LARS2: variants seen among roughly 807,000 people sequenced by gnomAD.
LARS2 encodes leucine--tRNA ligase, mitochondrial.
LARS2 carries 81 observed loss-of-function variants against 116.6 expected under a neutral mutation model. That is an observed-to-expected ratio of 0.69 (90% CI 0.58 to 0.84). LARS2 has a LOEUF of 0.84. Among genes scored for constraint, LARS2 ranks in the 40% least tolerant of loss-of-function variants. The probability of loss-of-function intolerance (pLI) is 0.00; values close to 1 mark genes in which losing one functional copy is unlikely to be tolerated. For synonymous variants in LARS2, 396 were observed against 407.2 expected, an observed-to-expected ratio of 0.97 and a Z score of 0.33; for missense variants, 968 against 1,114.5, an observed-to-expected ratio of 0.87 and a Z score of 1.87.
Position 45,516,219 on chromosome 3 carries a change from C to T in LARS2, c.1987C>T (p.Arg663Trp), listed in dbSNP as rs774649299. ...VVEQYGIDTIRLYILFAAPPE... is the reference protein window; with the variant it reads ...VVEQYGIDTIWLYILFAAPPE... ...GGAGCAGTATGGGATCGACACGATTCGGCTCTACATCCTTTTTGCTGCCCC... is the reference window on the plus strand; with the variant it reads ...GGAGCAGTATGGGATCGACACGATTTGGCTCTACATCCTTTTTGCTGCCCC... Residue 663 changes from arginine (R) to tryptophan (W), a missense_variant, in exon 17 of 22, where the codon CGG becomes TGG. Physicochemically the swap from Arg to Trp is moderately radical, Grantham distance 101. Transcript: ENST00000645846. The T allele has an allele frequency of 8.1e-6, 13 of 1,614,018 alleles. No individual in the cohort carries two copies. Among genetic ancestry groups the T allele is most frequent in the Admixed American group, 1.7e-5 (1 of 60,000 alleles).
rs183384103 is a variant in LARS2, at chr3:45,476,950, A to G, written c.1018+323A>G. Reference sequence around the variant, plus strand: ...AGGAGAAGATATAGGAATCTATTCTATTAGGAATAGAATCTTCTCATAATT... The same window carrying G: ...AGGAGAAGATATAGGAATCTATTCTGTTAGGAATAGAATCTTCTCATAATT... On this transcript the variant is annotated intron_variant, in intron 10 of 21. Transcript: ENST00000645846. Among the ~76,000 whole-genome samples, 357 of 152,294 alleles carry G rather than the reference A, an allele frequency of 2.3e-3. 4 individuals carry two copies. The highest frequency in any genetic ancestry group is 3.7e-3 in the Non-Finnish European group (255 of 68,024).
At chr3:45,508,458 A>G (rs1009438445) in intron 15 of LARS2, among the ~76,000 whole-genome samples, 3 of 152,138 alleles carry the variant, frequency 2.0e-5, no homozygotes, top group Admixed American at 2.0e-4. Context: ...GCTAATACTT[A>G]GAAACTAGGC....
At chr3:45,444,643 G>A (rs1337295228) in intron 6 of LARS2, among the ~76,000 whole-genome samples, 4 of 103,182 alleles carry the variant, frequency 3.9e-5, no homozygotes, top group South Asian at 3.9e-4. Flanking sequence ...CAGCCTGGGC[G>A]ACAGAGCGAG....
chr3:45,419,766 A>G, intron 6 of LARS2, 37 bp downstream of exon 6: 1 of 1,537,038 alleles, frequency 6.5e-7, no homozygotes, highest in South Asian at 1.1e-5. Context: ...TCGTCATTTT[A>G]AGGAAGGACT....
At chr3:45,426,517 G>A (rs1350085322) in intron 6 of LARS2, among the ~76,000 whole-genome samples, 1 of 152,230 alleles carries the variant, frequency 6.6e-6, no homozygotes, top group Non-Finnish European at 1.5e-5. Context: ...GGGAAAGGCA[G>A]TACCTTTGTT....
At chr3:45,526,290 C>T (rs1186167784) in intron 20 of LARS2, among the ~76,000 whole-genome samples, 3 of 152,136 alleles carry the variant, frequency 2.0e-5, no homozygotes, top group Non-Finnish European at 4.4e-5. Context: ...AATTTTGTTC[C>T]TATCAAAAGT....
chr3:45,394,222 T>A (rs537697566), intron 2 of LARS2, among the ~76,000 whole-genome samples: 232 of 152,344 alleles, frequency 1.5e-3, no homozygotes, highest in African/African-American at 5.4e-3. Context: ...TTTTGCATCT[T>A]TGATGTTAGG....
intron 4 of LARS2, among the ~76,000 whole-genome samples, chr3:45,415,157 C>T (rs1208486207): frequency 6.6e-6 from 1 of 152,186 alleles, no homozygotes; most frequent in Non-Finnish European, 1.5e-5. Flanking sequence ...AAGGTAATTG[C>T]TTCTAGACTC....
At chr3:45,420,971 A>G (rs1163539860) in intron 6 of LARS2, among the ~76,000 whole-genome samples, 2 of 152,250 alleles carry the variant, frequency 1.3e-5, no homozygotes, top group Non-Finnish European at 2.9e-5. Context: ...TTGGAATTAT[A>G]AACATTTATA....
chr3:45,469,595 C>T (rs1460440378), intron 8 of LARS2, among the ~76,000 whole-genome samples: 2 of 152,012 alleles, frequency 1.3e-5, no homozygotes, highest in African/African-American at 4.8e-5. Context: ...CCGCCCGCCT[C>T]GGCCTCCCAA....
intron 5 of LARS2, among the ~76,000 whole-genome samples, chr3:45,418,284 A>G (rs1698462093): frequency 6.6e-6 from 1 of 152,210 alleles, no homozygotes; most frequent in South Asian, 2.1e-4. Context: ...GCCTGTGCCC[A>G]GTGTCTCTTA....
chr3:45,422,969 T>G (rs150752286), intron 6 of LARS2, among the ~76,000 whole-genome samples: 27 of 152,342 alleles, frequency 1.8e-4, no homozygotes, highest in African/African-American at 6.3e-4. Context: ...GTATTTATTT[T>G]CATAACTCGT....
intron 6 of LARS2, among the ~76,000 whole-genome samples, chr3:45,444,004 CTTT>C (rs11409535): frequency 1.5e-5 from 2 of 133,218 alleles, no homozygotes; most frequent in Admixed American, 1.5e-4. Flanking sequence ...GATCTATCCT[CTTT>C]TTTTTTTTTT....
intron 18 of LARS2, chr3:45,519,895 ACCTCGG>A (rs1700426433): frequency 4.7e-6 from 1 of 214,724 alleles, no homozygotes; most frequent in Admixed American, 5.6e-5. Context: ...TAATCCACCC[ACCTCGG>A]CCTTCCAAAG....
At chr3:45,400,428 T>A in intron 4 of LARS2, 55 bp downstream of exon 4, 1 of 1,525,548 alleles carries the variant, frequency 6.6e-7, no homozygotes, top group East Asian at 2.3e-5. Flanking sequence ...AGGGTTGGCA[T>A]GTAGTAATAT....
intron 21 of LARS2, among the ~76,000 whole-genome samples, chr3:45,545,798 A>T (rs527384640): frequency 1.6e-4 from 25 of 151,946 alleles, no homozygotes; most frequent in Non-Finnish European, 3.4e-4. Flanking sequence ...AGGTTTAGAA[A>T]TGGGTCATTG....
intron 8 of LARS2, among the ~76,000 whole-genome samples, chr3:45,460,362 T>C (rs1699295574): frequency 6.6e-6 from 1 of 152,204 alleles, no homozygotes; most frequent in Non-Finnish European, 1.5e-5. Context: ...ACTACATTAC[T>C]GGGAAGGATG....
At chr3:45,444,731 G>A (rs1698988302) in intron 6 of LARS2, among the ~76,000 whole-genome samples, 1 of 147,450 alleles carries the variant, frequency 6.8e-6, no homozygotes, top group South Asian at 2.1e-4. Context: ...ACTCTAGGAA[G>A]CAGATTCATC....
At chr3:45,533,439 G>A (rs1162270792) in intron 20 of LARS2, among the ~76,000 whole-genome samples, 1 of 152,090 alleles carries the variant, frequency 6.6e-6, no homozygotes, top group African/African-American at 2.4e-5. Flanking sequence ...GAGCCACTGC[G>A]CCGGCCCCAC....
Sources: allele counts gnomAD v4.1 joint callset (sites outside exome capture counted in the v4.1 genomes callset), GRCh38; gene constraint gnomAD v4.1.1; transcripts MANE v1.5; gene names NCBI Gene and HGNC (gene_info 2026-07-23, HGNC 2026-07-21).